The following ELOVL5 variants were observed in gnomAD, a reference collection of about 807,000 sequenced individuals.
ELOVL5 encodes the protein ELOVL fatty acid elongase 5, also known as very long chain fatty acid elongase 5.
ELOVL5 carries 8 observed loss-of-function variants against 38.6 expected under a neutral mutation model. The observed-to-expected ratio is 0.21, with a 90% confidence interval of 0.12 to 0.37. The LOEUF (loss-of-function observed/expected upper bound fraction) is 0.37, where lower values mean the gene tolerates loss of function less well. ELOVL5 is among the 10% of genes least tolerant of loss of function. ELOVL5 has a pLI of 1.00. For missense variants in ELOVL5, 280 were observed against 367.8 expected (o/e 0.76, Z 1.95); for synonymous variants, 127 against 133.7 (o/e 0.95, Z 0.34).
intron 3 of ELOVL5, 29 bp downstream of exon 3, chr6:53,291,747 A>G (rs373170203): frequency 6.5e-7 from 1 of 1,550,264 alleles, no homozygotes; most frequent in Non-Finnish European, 8.7e-7. Flanking sequence ...ATTTATGTGA[A>G]AGGAAGACTG....
chr6:53,319,358 C>T (rs1452210586), intron 1 of ELOVL5, among the ~76,000 whole-genome samples: 1 of 146,318 alleles, frequency 6.8e-6, no homozygotes, highest in Non-Finnish European at 1.5e-5. Context: ...ATTTAGAGCT[C>T]ATAAGATTTG....
chr6:53,314,182 A>C (rs1767947574), intron 1 of ELOVL5, among the ~76,000 whole-genome samples: 1 of 152,258 alleles, frequency 6.6e-6, no homozygotes, highest in African/African-American at 2.4e-5. Context: ...GGATTTTAGC[A>C]AGTCATGTTA....
chr6:53,332,276 T>C (rs1189683829), intron 1 of ELOVL5, among the ~76,000 whole-genome samples: 1 of 152,216 alleles, frequency 6.6e-6, no homozygotes, highest in Non-Finnish European at 1.5e-5. Context: ...TTAAGAGAAA[T>C]TCAACCCAAT....
rs184049923 is a variant in ELOVL5, at chr6:53,338,758, T to C, written c.-9+10059A>G. The stretch of plus-strand genomic sequence containing the variant: ...AGCAACATTTTCTGCTACAGGCAAC[T>C]GCTGATGGTTCTTATCTGAGTGCAG... On this transcript the variant is annotated intron_variant, in intron 1 of 7. Transcript: ENST00000304434. Among the ~76,000 whole-genome samples the C allele has an allele frequency of 3.2e-3, 482 of 152,358 alleles. 2 individuals carry two copies. The highest frequency in any genetic ancestry group is 0.011 in the African/African-American group (457 of 41,592).
intron 1 of ELOVL5, among the ~76,000 whole-genome samples, chr6:53,316,900 C>T (rs1301218628): frequency 6.6e-6 from 1 of 152,064 alleles, no homozygotes; most frequent in Non-Finnish European, 1.5e-5. Context: ...GTGTATGTTT[C>T]ATAACCTGTT....
At chr6:53,298,318 C>G (rs1767100192) in intron 1 of ELOVL5, among the ~76,000 whole-genome samples, 1 of 152,194 alleles carries the variant, frequency 6.6e-6, no homozygotes, top group South Asian at 2.1e-4. Context: ...TCACTGGGGA[C>G]AGACACCTTC....
At chr6:53,348,777 G>C in intron 1 of ELOVL5, 40 bp downstream of exon 1, 2 of 453,048 alleles carry the variant, frequency 4.4e-6, no homozygotes, top group South Asian at 3.1e-5. Flanking sequence ...ATGGCCGAGC[G>C]GCGGCCCCCG....
chr6:53,347,174 T>C (rs756571651), intron 1 of ELOVL5, among the ~76,000 whole-genome samples: 2 of 152,160 alleles, frequency 1.3e-5, no homozygotes, highest in African/African-American at 4.8e-5. Flanking sequence ...TCTGTAACTA[T>C]CAATAAAAAT....
At chr6:53,269,857 CCA>C (rs1291244857) in intron 7 of ELOVL5, among the ~76,000 whole-genome samples, 1 of 152,210 alleles carries the variant, frequency 6.6e-6, no homozygotes, top group Admixed American at 6.5e-5. Context: ...ACTCAACATG[CCA>C]CACACAGGTG....
At chr6:53,329,363 A>G (rs1018193753) in intron 1 of ELOVL5, among the ~76,000 whole-genome samples, 2 of 152,218 alleles carry the variant, frequency 1.3e-5, no homozygotes, top group Admixed American at 1.3e-4. Context: ...TTTTAAACCT[A>G]TATTTTAAAA....
intron 1 of ELOVL5, among the ~76,000 whole-genome samples, chr6:53,311,603 TAATA>T (rs1767835643): frequency 6.6e-6 from 1 of 152,220 alleles, no homozygotes; most frequent in Admixed American, 6.5e-5. Context: ...ACTGATTAAT[TAATA>T]AACAAAATGT....
At chr6:53,322,918 A>T (rs1017149740) in intron 1 of ELOVL5, among the ~76,000 whole-genome samples, 11 of 152,224 alleles carry the variant, frequency 7.2e-5, no homozygotes, top group African/African-American at 2.7e-4. Flanking sequence ...CCCTTGCTTC[A>T]GGATCATAAC....
intron 3 of ELOVL5, among the ~76,000 whole-genome samples, chr6:53,279,474 C>T (rs1766275215): frequency 6.6e-6 from 1 of 152,178 alleles, no homozygotes; most frequent in East Asian, 1.9e-4. Flanking sequence ...CTGTTGTGTG[C>T]TCTTCTGTAA....
At chr6:53,305,350 C>A (rs1421378219) in intron 1 of ELOVL5, among the ~76,000 whole-genome samples, 3 of 127,494 alleles carry the variant, frequency 2.4e-5, no homozygotes, top group African/African-American at 3.6e-5. Flanking sequence ...ACCTCCCTCC[C>A]GGACGGGGCG....
chr6:53,270,602 G>A lies in ELOVL5; in HGVS notation c.747C>T (p.Phe249=), dbSNP rs1010981524. The A allele has an allele frequency of 1.2e-6, 2 of 1,614,022 alleles. No homozygotes were observed. Among genetic ancestry groups the A allele is most frequent in the African/African-American group, 2.7e-5 (2 of 74,920 alleles). Reference sequence around the variant, plus strand: ...GAAGGGTGAGATTTACCTGAATGTAGAAGTTTGTGAAGAGAGCAATCAGGG... The same window carrying A: ...GAAGGGTGAGATTTACCTGAATGTAAAAGTTTGTGAAGAGAGCAATCAGGG... The part of the protein sequence containing the change: ...MISLIALFTN[F]YIQTYNKKGA... Residue 249 remains phenylalanine, a synonymous_variant, in exon 7 of 8, where the codon TTC becomes TTT. Coordinates refer to ENST00000304434, the MANE Select transcript of ELOVL5 (RefSeq NM_021814.5).
chr6:53,309,218 G>C (rs1767723819), intron 1 of ELOVL5, among the ~76,000 whole-genome samples: 1 of 152,148 alleles, frequency 6.6e-6, no homozygotes, highest in East Asian at 1.9e-4. Context: ...CCTAGTAGCT[G>C]TTCTTGGGAC....
intron 1 of ELOVL5, among the ~76,000 whole-genome samples, chr6:53,326,839 C>T (rs1293161360): frequency 1.3e-5 from 2 of 152,148 alleles, no homozygotes; most frequent in African/African-American, 4.8e-5. Context: ...CCAAGGTCTG[C>T]TTTCCCTCAC....
intron 1 of ELOVL5, among the ~76,000 whole-genome samples, chr6:53,328,316 T>C (rs1286270622): frequency 6.6e-6 from 1 of 151,952 alleles, no homozygotes; most frequent in Non-Finnish European, 1.5e-5. Context: ...TATATCCCAT[T>C]AAAAAAAATC....
chr6:53,288,195 G>A (rs1188032588), intron 3 of ELOVL5, among the ~76,000 whole-genome samples: 1 of 152,208 alleles, frequency 6.6e-6, no homozygotes, highest in Non-Finnish European at 1.5e-5. Context: ...CATGTATGTA[G>A]AGGTTCTCAA....
Sources: allele counts gnomAD v4.1 joint callset (sites outside exome capture counted in the v4.1 genomes callset), GRCh38; gene constraint gnomAD v4.1.1; transcripts MANE v1.5; gene names NCBI Gene and HGNC (gene_info 2026-07-23, HGNC 2026-07-21).